CAPN11: variants seen among roughly 807,000 people sequenced by gnomAD.
The protein encoded by CAPN11 is calpain-11.
In CAPN11, 108 loss-of-function variants were observed where a neutral mutation model predicts 105.3. The observed-to-expected ratio is 1.03, with a 90% CI of 0.88 to 1.20. The LOEUF (loss-of-function observed/expected upper bound fraction) is 1.20. Among genes scored for constraint, CAPN11 ranks in the 50% most tolerant of loss-of-function variants. CAPN11 has a pLI of 0.00. For synonymous variants in CAPN11, 329 were observed against 344.5 expected, an observed-to-expected ratio of 0.96 and a Z score of 0.50; for missense variants, 883 against 924.8, an observed-to-expected ratio of 0.95 and a Z score of 0.59.
chr6:44,160,082 C>T (rs12199128), intron 1 of CAPN11, among the ~76,000 whole-genome samples: 13,356 of 151,594 alleles, frequency 0.088, 855 homozygotes, highest in East Asian at 0.26. Context: ...TGCAGTGAGC[C>T]GAGATCGTGC....
chr6:44,172,067 A>G (rs1290205187), intron 4 of CAPN11, among the ~76,000 whole-genome samples: 2 of 152,214 alleles, frequency 1.3e-5, no homozygotes, highest in African/African-American at 4.8e-5. Context: ...CACTGACTCA[A>G]AAAAGAAAAT....
intron 12 of CAPN11, among the ~76,000 whole-genome samples, chr6:44,178,831 G>A (rs1411693032): frequency 6.6e-6 from 1 of 151,730 alleles, no homozygotes; most frequent in African/African-American, 2.4e-5. Context: ...GCTGAGGTGA[G>A]AGGATCACTT....
At chr6:44,166,932 G>T in intron 2 of CAPN11, 103 bp downstream of exon 2, 19 of 462,902 alleles carry the variant, frequency 4.1e-5, no homozygotes, top group East Asian at 1.2e-4. Context: ...AGTCAGTCAT[G>T]TTGTGTGGGG....
rs1774217952 is a variant in CAPN11 at position 44,184,273 on chromosome 6, T to C, written c.*341T>C. 5.1e-6 allele frequency: 2 copies of C among 390,286 alleles called. No individual in the cohort carries two copies. The highest frequency in any genetic ancestry group is 2.0e-5 in the African/African-American group (1 of 49,622). The allele number at this position is 390,286 out of a possible 1,614,324, so 24.2% of individuals were successfully genotyped here. ...AGGCCAAGAATAGGGAAGGGACTTG[T>C]AGCCCGTTTCTTACCCTCCATGCTT... is the stretch of plus-strand genomic sequence containing the variant. On this transcript the variant is annotated 3_prime_UTR_variant, in exon 23 of 23. Transcript: ENST00000398776.
At chr6:44,158,885 G>A (rs898549499) in intron 1 of CAPN11, 21 bp downstream of exon 1, 1 of 1,549,870 alleles carries the variant, frequency 6.5e-7, no homozygotes, top group Non-Finnish European at 8.7e-7. Context: ...ATGGGGCCTT[G>A]CCCCACTCCT....
At chr6:44,182,013 T>C (rs868847889) in intron 19 of CAPN11, among the ~76,000 whole-genome samples, 38 of 18,492 alleles carry the variant, frequency 2.1e-3, no homozygotes, top group East Asian at 3.0e-3. Context: ...CACACACACA[T>C]ACACACTCAC....
At chr6:44,181,418 A>ACACACACACCCAACCACACCACACT (rs1773127914) in intron 19 of CAPN11, 98 bp downstream of exon 19, 2 of 90,690 alleles carry the variant, frequency 2.2e-5, no homozygotes, top group African/African-American at 2.8e-4. Context: ...AGCCCTAACC[A>ACACACACACCCAACCACACCACACT]CACACACACA....
At chr6:44,175,900 T>G (rs1771913554) in intron 7 of CAPN11, among the ~76,000 whole-genome samples, 168 bp from the exon 8 acceptor site, 1 of 152,194 alleles carries the variant, frequency 6.6e-6, no homozygotes, top group Non-Finnish European at 1.5e-5. Flanking sequence ...CTGTATTATT[T>G]GTTACAATTG....
chr6:44,179,386 G>A (rs1207018040), intron 12 of CAPN11, among the ~76,000 whole-genome samples: 1 of 149,962 alleles, frequency 6.7e-6, no homozygotes, highest in African/African-American at 2.5e-5. Context: ...CTGCAGCCTT[G>A]ACCTCCAGCT....
At position 44,182,318 on chromosome 6, in the gene CAPN11, T is replaced by TACTC. The variant is rs1561855889; in HGVS notation, c.1939-621_1939-620insTCAC. Among the ~76,000 whole-genome samples the TACTC allele has an allele frequency of 9.4e-5, 10 of 106,874 alleles. No individual in the cohort carries two copies. In the South Asian group the frequency reaches 1.6e-3, roughly 17 times the overall value. 70.1% of individuals were successfully genotyped at this position (106,874 alleles called of 152,430 possible). On this transcript the variant is annotated intron_variant, in intron 19 of 22. Coordinates refer to ENST00000398776, the MANE Select transcript of CAPN11 (RefSeq NM_007058.4). ...ACACACACACACACACACACTCACATACAGACACAACCACACCACACACAC... is the reference window on the plus strand; with the variant it reads ...ACACACACACACACACACACTCACATACTCACAGACACAACCACACCACACACAC...
intron 19 of CAPN11, among the ~76,000 whole-genome samples, chr6:44,182,656 G>C (rs1429805457): frequency 1.3e-5 from 2 of 152,014 alleles, no homozygotes; most frequent in African/African-American, 2.4e-5. Flanking sequence ...GCAGTGGTGC[G>C]ATCTCTGCTT....
At chr6:44,179,370 G>T (rs1447653753) in intron 12 of CAPN11, among the ~76,000 whole-genome samples, 2 of 150,636 alleles carry the variant, frequency 1.3e-5, no homozygotes, top group Non-Finnish European at 2.9e-5. Context: ...ACATGATCGT[G>T]ACTCACTGCA....
intron 1 of CAPN11, among the ~76,000 whole-genome samples, chr6:44,164,211 A>G (rs1164999429): frequency 1.3e-5 from 2 of 152,188 alleles, no homozygotes; most frequent in African/African-American, 4.8e-5. Flanking sequence ...TATGTACTCA[A>G]TACAGCAGCA....
intron 22 of CAPN11, 62 bp from the exon 23 acceptor site, chr6:44,183,844 C>T: frequency 1.4e-6 from 2 of 1,430,148 alleles, no homozygotes; most frequent in Non-Finnish European, 1.9e-6. Context: ...GCTCTGATGT[C>T]CCCGGGCCAG....
chr6:44,161,962 A>T (rs1768909434), intron 1 of CAPN11: 2 of 451,460 alleles, frequency 4.4e-6, no homozygotes, highest in South Asian at 1.6e-5. Context: ...TTTGAACTGG[A>T]AAATTCTTTA....
chr6:44,179,837 TC>T, intron 13 of CAPN11, 114 bp from the exon 14 acceptor site: 1 of 921,832 alleles, frequency 1.1e-6, no homozygotes, highest in Non-Finnish European at 1.8e-6. Context: ...CCAGGCCAGG[TC>T]AGTTGGTGGT....
chr6:44,180,969 C>T lies in CAPN11; in HGVS notation c.1841C>T (p.Ala614Val). Residue 614 changes from alanine (A) to valine (V), a missense_variant, in exon 18 of 23, where the codon GCT becomes GTT. Physicochemically the swap from Ala to Val is moderately conservative, Grantham distance 64 (BLOSUM62 0). Transcript: ENST00000398776. ...AAGACCAAGGGCTTTGGCCTGGATG[C>T]TTGCCGCTGCATGATCAACCTCATG... ...SFKTKGFGLD[A>V]CRCMINLMDK... The T allele has an allele frequency of 6.2e-7, 1 of 1,613,658 alleles. No homozygotes were observed. The highest frequency in any genetic ancestry group is 1.1e-5 in the South Asian group (1 of 91,084).
At chr6:44,177,492 C>T (rs1582881463) in intron 12 of CAPN11, 72 bp downstream of exon 12, 7 of 1,044,348 alleles carry the variant, frequency 6.7e-6, no homozygotes, top group South Asian at 3.7e-5. Flanking sequence ...TTCTTTCTTT[C>T]TTTTTTTTTT....
chr6:44,176,459 G>A (rs906241841), intron 9 of CAPN11, 121 bp downstream of exon 9: 61 of 1,293,526 alleles, frequency 4.7e-5, no homozygotes, highest in Non-Finnish European at 6.5e-5. Flanking sequence ...CCTCCCTCTA[G>A]ATTCTCCATC....
Sources: gnomAD v4.1 joint callset for allele counts (sites outside exome capture counted in the v4.1 genomes callset) on GRCh38, gnomAD v4.1.1 for gene constraint, MANE v1.5 for transcripts, NCBI Gene and HGNC (gene_info 2026-07-23, HGNC 2026-07-21) for gene names.